Variants in RAB2A observed in about 807,000 individuals in gnomAD.
RAB2A encodes ras-related protein Rab-2A.
In RAB2A, 7 loss-of-function variants were observed where a neutral mutation model predicts 32.5. That is an observed-to-expected ratio of 0.22 (90% CI 0.12 to 0.40). The LOEUF (loss-of-function observed/expected upper bound fraction) is 0.40, where lower values mean the gene tolerates loss of function less well. Ranked by LOEUF, RAB2A falls within the 10% of genes least tolerant of loss-of-function variation. RAB2A has a pLI of 1.00. For missense variants in RAB2A, 108 were observed against 260.7 expected (o/e 0.41, Z 4.03); for synonymous variants, 79 against 85.2 (o/e 0.93, Z 0.40).
intron 1 of RAB2A, among the ~76,000 whole-genome samples, chr8:60,535,084 A>G (rs1461624690): frequency 6.6e-6 from 1 of 152,216 alleles, no homozygotes; most frequent in Non-Finnish European, 1.5e-5. Context: ...ACTGAGTAGT[A>G]TTCTTAAGAG....
chr8:60,604,554 G>A (rs1019785306), intron 6 of RAB2A, among the ~76,000 whole-genome samples: 1 of 152,176 alleles, frequency 6.6e-6, no homozygotes, highest in Non-Finnish European at 1.5e-5. Flanking sequence ...TGAAACCCAG[G>A]CTGAGGAGGT....
At chr8:60,617,679 A>T (rs1804468858) in intron 6 of RAB2A, among the ~76,000 whole-genome samples, 2 of 152,150 alleles carry the variant, frequency 1.3e-5, no homozygotes, top group African/African-American at 4.8e-5. Context: ...TGGGAGGCAG[A>T]GGTTGCAGTG....
At chr8:60,550,065 A>G (rs2130824590) in intron 1 of RAB2A, among the ~76,000 whole-genome samples, 1 of 152,244 alleles carries the variant, frequency 6.6e-6, no homozygotes, top group Non-Finnish European at 1.5e-5. Context: ...CTGTACTCAC[A>G]TATTCACTTG....
At chr8:60,590,840 A>G (rs1803930859) in intron 5 of RAB2A, among the ~76,000 whole-genome samples, 1 of 151,472 alleles carries the variant, frequency 6.6e-6, no homozygotes, top group South Asian at 2.1e-4. Flanking sequence ...TGAAAAAGAA[A>G]TACTATTTAT....
intron 3 of RAB2A, among the ~76,000 whole-genome samples, chr8:60,580,104 C>G (rs369145517): frequency 6.7e-6 from 1 of 150,360 alleles, no homozygotes; most frequent in South Asian, 2.1e-4. Flanking sequence ...TCAAGTGATT[C>G]TCCTGCCCCA....
intron 1 of RAB2A, among the ~76,000 whole-genome samples, chr8:60,541,763 A>G (rs934588852): frequency 2.2e-4 from 34 of 152,302 alleles, no homozygotes; most frequent in Admixed American, 1.4e-3. Context: ...TCATAAGTCT[A>G]TTTTTAAGGT....
At chr8:60,584,329 A>G (rs1479907707) in intron 4 of RAB2A, 39 bp downstream of exon 4, 1 of 1,493,558 alleles carries the variant, frequency 6.7e-7, no homozygotes. Flanking sequence ...TAGTTGATAC[A>G]GAGAATTTTT....
In RAB2A at chr8:60,621,596, A is replaced by G. The variant is rs981332952; in HGVS notation, c.*827A>G. 5 of 152,212 alleles carry G rather than the reference A, an allele frequency of 3.3e-5. No homozygotes were observed. The highest frequency in any genetic ancestry group is 1.9e-4 in the East Asian group (1 of 5,204). The allele number at this position is 152,212 out of a possible 1,614,324, so 9.4% of individuals were successfully genotyped here. On this transcript the variant is annotated 3_prime_UTR_variant, in exon 8 of 8. Transcript: ENST00000262646. Reference sequence around the variant, plus strand: ...TGAGTGAAAAGGGCAGAAGCAAGAAATTTCTACATCTTAGCGACTCCAAGA... The same window carrying G: ...TGAGTGAAAAGGGCAGAAGCAAGAAGTTTCTACATCTTAGCGACTCCAAGA...
chr8:60,583,352 G>A (rs554885760), intron 3 of RAB2A, among the ~76,000 whole-genome samples: 12 of 152,084 alleles, frequency 7.9e-5, no homozygotes, highest in South Asian at 4.2e-4. Flanking sequence ...GAGCTGTCTC[G>A]GTTTTAAACT....
At chr8:60,537,647 C>G (rs1807578220) in intron 1 of RAB2A, among the ~76,000 whole-genome samples, 1 of 152,116 alleles carries the variant, frequency 6.6e-6, no homozygotes, top group East Asian at 1.9e-4. Context: ...AAACCGACAT[C>G]CTACAATTCT....
Position 60,584,816 on chromosome 8 carries a change from G to GTTTT in RAB2A, c.362+2_362+3insTTTT. The GTTTT allele has an allele frequency of 6.2e-7, 1 of 1,606,516 alleles. No individual in the cohort carries two copies. The highest frequency in any genetic ancestry group is 8.5e-7 in the Non-Finnish European group (1 of 1,173,664). ...TCATTATGCTTATTGGAAATAAAAGGTAAAAAGGCTAATTTAGAGCTTACA... is the reference window on the plus strand; with the variant it reads ...TCATTATGCTTATTGGAAATAAAAGGTTTTTAAAAAGGCTAATTTAGAGCTTACA... On this transcript the variant is annotated splice_donor_variant, in intron 5 of 7. Coordinates refer to ENST00000262646, the MANE Select transcript of RAB2A (RefSeq NM_002865.3). LOFTEE classifies it high-confidence loss of function.
intron 6 of RAB2A, among the ~76,000 whole-genome samples, chr8:60,602,026 G>A (rs1804142379): frequency 6.6e-6 from 1 of 151,846 alleles, no homozygotes; most frequent in Non-Finnish European, 1.5e-5. Context: ...TGACAGGTGT[G>A]TGCCACCATG....
rs1233122256 is a variant in RAB2A at position 60,621,650 on chromosome 8, A to G, written c.*881A>G. On this transcript the variant is annotated 3_prime_UTR_variant, in exon 8 of 8. Coordinates refer to ENST00000262646, the MANE Select transcript of RAB2A (RefSeq NM_002865.3). The stretch of plus-strand genomic sequence containing the variant: ...ATGAGTATCCACATTTAGATGGCAC[A>G]TTATGAGGACTTTAATCTTTCCTTA... 1 of 152,206 alleles carries G rather than the reference A, an allele frequency of 6.6e-6. No individual in the cohort carries two copies. The highest frequency in any genetic ancestry group is 1.5e-5 in the Non-Finnish European group (1 of 68,022). The allele number at this position is 152,206 out of a possible 1,614,324, so 9.4% of individuals were successfully genotyped here.
At chr8:60,559,510 G>A (rs1237790037) in intron 2 of RAB2A, among the ~76,000 whole-genome samples, 1 of 152,144 alleles carries the variant, frequency 6.6e-6, no homozygotes, top group Non-Finnish European at 1.5e-5. Context: ...GTAAGAAATA[G>A]TCAACAAATA....
intron 6 of RAB2A, among the ~76,000 whole-genome samples, chr8:60,613,404 G>A (rs1384687): frequency 0.29 from 44,287 of 152,036 alleles, 9,221 homozygotes; most frequent in African/African-American, 0.59. Context: ...CCTATGAAGT[G>A]GGCTACATTT....
chr8:60,583,195 A>G (rs1174461680), intron 3 of RAB2A, among the ~76,000 whole-genome samples: 2 of 152,242 alleles, frequency 1.3e-5, no homozygotes, highest in Non-Finnish European at 2.9e-5. Flanking sequence ...CAGAACTCAG[A>G]ATGTGTAAAC....
chr8:60,527,614 C>T (rs1269241506), intron 1 of RAB2A, among the ~76,000 whole-genome samples: 1 of 152,158 alleles, frequency 6.6e-6, no homozygotes, highest in Non-Finnish European at 1.5e-5. Context: ...CATATCAGGA[C>T]ATTTATACTC....
At position 60,547,870 on chromosome 8, in the gene RAB2A, G is replaced by A. The variant is rs1218195900; in HGVS notation, c.47-10982G>A. The stretch of plus-strand genomic sequence containing the variant: ...TCCCTCCTGGACGGGGCGGCTGGCC[G>A]GGCGGGGGGCTGACCCCCCTACCTC... On this transcript the variant is annotated intron_variant, in intron 1 of 7. Coordinates refer to ENST00000262646, the MANE Select transcript of RAB2A (RefSeq NM_002865.3). Among the ~76,000 whole-genome samples, 38 of 124,740 alleles carry A rather than the reference G, an allele frequency of 3.0e-4. 1 individual carries two copies. The highest frequency in any genetic ancestry group is 2.1e-3 in the Admixed American group (28 of 13,314). The allele number at this position is 124,740 out of a possible 152,430, so 81.8% of individuals were successfully genotyped here.
At chr8:60,564,496 TAC>T (rs1057127325) in intron 2 of RAB2A, among the ~76,000 whole-genome samples, 33 of 152,240 alleles carry the variant, frequency 2.2e-4, no homozygotes, top group Admixed American at 9.8e-4. Context: ...ATTTTCTGTC[TAC>T]AGTTTCCACC....
Sources: gnomAD v4.1 joint callset for allele counts (sites outside exome capture counted in the v4.1 genomes callset) on GRCh38, gnomAD v4.1.1 for gene constraint, MANE v1.5 for transcripts, NCBI Gene and HGNC (gene_info 2026-07-23, HGNC 2026-07-21) for gene names.